Variants in SUGCT observed in about 807,000 individuals in gnomAD.
SUGCT encodes the protein succinyl-CoA:glutarate-CoA transferase.
SUGCT carries 41 observed loss-of-function variants against 55.0 expected under a neutral mutation model. That is an observed-to-expected ratio of 0.74 (90% confidence interval 0.58 to 0.97). The LOEUF (loss-of-function observed/expected upper bound fraction) is 0.97, where lower values mean the gene tolerates loss of function less well. SUGCT is among the 50% of genes least tolerant of loss of function. The pLI is 0.00. For synonymous variants in SUGCT, 187 were observed against 200.4 expected, an observed-to-expected ratio of 0.93 and a Z score of 0.56; for missense variants, 568 against 547.8, an observed-to-expected ratio of 1.04 and a Z score of -0.37.
intron 12 of SUGCT, among the ~76,000 whole-genome samples, chr7:40,511,824 T>C (rs913849234): frequency 6.6e-6 from 1 of 152,188 alleles, no homozygotes; most frequent in Non-Finnish European, 1.5e-5. Context: ...ACAATAATCC[T>C]CCTTTTCTTG....
chr7:40,633,640 C>T (rs1402591229), intron 12 of SUGCT, among the ~76,000 whole-genome samples: 1 of 152,104 alleles, frequency 6.6e-6, no homozygotes, highest in Non-Finnish European at 1.5e-5. Context: ...CCTCACCTGG[C>T]CAGAAAGTTG....
chr7:40,382,033 G>C (rs1298238980), intron 9 of SUGCT, among the ~76,000 whole-genome samples: 1 of 151,898 alleles, frequency 6.6e-6, no homozygotes, highest in Non-Finnish European at 1.5e-5. Context: ...GTGTGTGTGT[G>C]TAACTCTAGG....
At chr7:41,016,281 T>C in the SUGCT span, among the ~76,000 whole-genome samples, 1 of 152,324 alleles carries the variant, frequency 6.6e-6, no homozygotes, top group East Asian at 1.9e-4. Flanking sequence ...TCAAGGTGGA[T>C]GTTTACTGGC....
chr7:40,388,542 A>G (rs752726889), intron 9 of SUGCT, among the ~76,000 whole-genome samples: 1 of 152,096 alleles, frequency 6.6e-6, no homozygotes, highest in East Asian at 1.9e-4. Flanking sequence ...CAGCCTCCCA[A>G]GTAGCTGGGA....
chr7:40,252,746 C>G (rs1790513777), intron 7 of SUGCT, among the ~76,000 whole-genome samples: 1 of 151,678 alleles, frequency 6.6e-6, no homozygotes, highest in African/African-American at 2.4e-5. Flanking sequence ...CTCCTGGGCT[C>G]AAAGGATCCT....
chr7:40,965,280 C>G, the SUGCT span: 1 of 152,204 alleles, frequency 6.6e-6, no homozygotes, highest in Non-Finnish European at 1.5e-5. Flanking sequence ...TATCTCCCCT[C>G]TTTTGCTTTG....
chr7:40,187,824 T>C (rs1455996584), intron 3 of SUGCT, among the ~76,000 whole-genome samples: 3 of 152,098 alleles, frequency 2.0e-5, no homozygotes, highest in African/African-American at 7.2e-5. Context: ...TCTCAGTTAC[T>C]ATGGAGGCTG....
chr7:40,160,963 G>C (rs918604339), intron 1 of SUGCT, among the ~76,000 whole-genome samples: 1 of 151,660 alleles, frequency 6.6e-6, no homozygotes, highest in African/African-American at 2.4e-5. Context: ...TACCCTTTTT[G>C]GTGGACGGTT....
At position 40,194,529 on chromosome 7, in the gene SUGCT, G is replaced by C. The variant is rs184063847; in HGVS notation, c.364-411G>C. 1.3e-4 allele frequency among the ~76,000 whole-genome samples: 20 copies of C among 152,338 alleles called. No homozygotes were observed. In the Middle Eastern group the frequency reaches 0.014, roughly 104 times the overall value. ...AGTCCACCTGCCTTGGCCTCCCAAA[G>C]TGCTGAGATTAGAGGAGTGAACAAC... On this transcript the variant is annotated intron_variant, in intron 5 of 13. Transcript: ENST00000335693.
At chr7:40,975,725 C>T in the SUGCT span, among the ~76,000 whole-genome samples, 1 of 152,102 alleles carries the variant, frequency 6.6e-6, no homozygotes, top group East Asian at 1.9e-4. Context: ...TTTTCTTGGC[C>T]AGAGTTACAG....
chr7:40,329,920 G>A (rs1025962477), intron 9 of SUGCT, among the ~76,000 whole-genome samples: 3 of 152,184 alleles, frequency 2.0e-5, no homozygotes, highest in African/African-American at 7.2e-5. Context: ...TCAAAGTCCT[G>A]GAGAGAGATT....
intron 1 of SUGCT, among the ~76,000 whole-genome samples, chr7:40,180,209 C>T (rs1000325624): frequency 8.6e-5 from 13 of 151,710 alleles, no homozygotes; most frequent in East Asian, 1.9e-4. Context: ...CTACAGCTTC[C>T]GCCTCCCGGG....
At chr7:40,952,716 T>C in the SUGCT span, among the ~76,000 whole-genome samples, 2 of 152,214 alleles carry the variant, frequency 1.3e-5, no homozygotes, top group Non-Finnish European at 2.9e-5. Context: ...CTTATGAAGC[T>C]TAGTTTGGCT....
intron 7 of SUGCT, among the ~76,000 whole-genome samples, chr7:40,241,648 G>A (rs143886094): frequency 6.6e-6 from 1 of 151,226 alleles, no homozygotes; most frequent in East Asian, 2.0e-4. Flanking sequence ...ATGGCCTGGC[G>A]TTGTGGCTCA....
chr7:40,541,019 A>G (rs1794645593), intron 12 of SUGCT, among the ~76,000 whole-genome samples: 4 of 152,164 alleles, frequency 2.6e-5, no homozygotes, highest in Admixed American at 2.6e-4. Flanking sequence ...TAGGTGTTAC[A>G]GTGAGTGCAA....
chr7:40,721,826 G>T (rs903829310), intron 12 of SUGCT, among the ~76,000 whole-genome samples: 2 of 152,196 alleles, frequency 1.3e-5, no homozygotes, highest in African/African-American at 4.8e-5. Flanking sequence ...TGTACAATCT[G>T]TGAAGGGATG....
At chr7:41,022,738 C>T in the SUGCT span, among the ~76,000 whole-genome samples, 5 of 151,578 alleles carry the variant, frequency 3.3e-5, no homozygotes, top group East Asian at 9.7e-4. Flanking sequence ...GCTAAATATG[C>T]ATTATAATTT....
intron 13 of SUGCT, among the ~76,000 whole-genome samples, chr7:40,850,380 C>A (rs569576583): frequency 3.1e-4 from 47 of 152,268 alleles, no homozygotes; most frequent in African/African-American, 1.1e-3. Context: ...AAGGACTGAG[C>A]AAAATGAATG....
At chr7:40,832,040 G>T (rs1330871008) in intron 13 of SUGCT, among the ~76,000 whole-genome samples, 3 of 152,202 alleles carry the variant, frequency 2.0e-5, no homozygotes, top group Admixed American at 2.0e-4. Flanking sequence ...AGTAACTTAA[G>T]TGTGCAGGGG....
Sources: allele counts gnomAD v4.1 joint callset (sites outside exome capture counted in the v4.1 genomes callset), GRCh38; gene constraint gnomAD v4.1.1; transcripts MANE v1.5; gene names NCBI Gene and HGNC (gene_info 2026-07-23, HGNC 2026-07-21).